Variants in GRM7 observed in about 807,000 individuals in gnomAD.
The protein encoded by GRM7 is metabotropic glutamate receptor 7.
A neutral mutation model predicts 84.5 loss-of-function variants in GRM7; 35 were observed. That is an observed-to-expected ratio of 0.41 (90% confidence interval 0.32 to 0.55). The LOEUF (loss-of-function observed/expected upper bound fraction) is 0.55. Among genes scored for constraint, GRM7 ranks in the 20% least tolerant of loss-of-function variants. The pLI is 0.19. For synonymous variants in GRM7, 487 were observed against 455.1 expected, an observed-to-expected ratio of 1.07 and a Z score of -0.89; for missense variants, 1,003 against 1,194.6, an observed-to-expected ratio of 0.84 and a Z score of 2.36.
At chr3:6,868,743 G>A (rs1695019513) in intron 1 of GRM7, among the ~76,000 whole-genome samples, 1 of 152,172 alleles carries the variant, frequency 6.6e-6, no homozygotes. Flanking sequence ...AGTTGATAGA[G>A]CACAGGAAGT....
At chr3:7,678,727 G>A (rs1457865764) in intron 8 of GRM7, among the ~76,000 whole-genome samples, 1 of 152,186 alleles carries the variant, frequency 6.6e-6, no homozygotes, top group Non-Finnish European at 1.5e-5. Flanking sequence ...ATGTTGGCTA[G>A]AAAACTGTAT....
chr3:7,215,627 T>C (rs945017993), intron 2 of GRM7, among the ~76,000 whole-genome samples: 12 of 152,032 alleles, frequency 7.9e-5, no homozygotes, highest in African/African-American at 1.2e-4. Flanking sequence ...ATCGCGCCAC[T>C]GCACTCCAGC....
intron 2 of GRM7, among the ~76,000 whole-genome samples, chr3:7,241,989 C>G (rs1291710705): frequency 6.6e-6 from 1 of 152,088 alleles, no homozygotes. Context: ...TACCTTAGTA[C>G]TTCTTTTATA....
At chr3:7,736,604 G>A (rs191428460) in intron 9 of GRM7, among the ~76,000 whole-genome samples, 4 of 152,116 alleles carry the variant, frequency 2.6e-5, no homozygotes, top group Admixed American at 1.3e-4. Context: ...GGACAACACT[G>A]TAGTAGCAAG....
At chr3:7,125,091 C>T (rs548336039) in intron 1 of GRM7, among the ~76,000 whole-genome samples, 3 of 152,272 alleles carry the variant, frequency 2.0e-5, no homozygotes, top group South Asian at 4.1e-4. Flanking sequence ...AGGCACCCAC[C>T]ACCATGCCCA....
chr3:7,446,498 T>C (rs1697519522), intron 5 of GRM7, among the ~76,000 whole-genome samples: 1 of 149,760 alleles, frequency 6.7e-6, no homozygotes, highest in Admixed American at 6.7e-5. Flanking sequence ...TCTCATTCTG[T>C]AGCCCAGGCT....
intron 4 of GRM7, among the ~76,000 whole-genome samples, chr3:7,386,501 C>T (rs1694791744): frequency 6.6e-6 from 1 of 152,112 alleles, no homozygotes; most frequent in Non-Finnish European, 1.5e-5. Context: ...GTTTAGCTCC[C>T]ACTTATAAGT....
rs7650378 is a variant in GRM7, at chr3:7,533,834, G to T, written c.1516-44588G>T. Among the ~76,000 whole-genome samples the T allele has an allele frequency of 2.0e-5, 3 of 152,198 alleles. No individual in the cohort carries two copies. In the South Asian group the frequency reaches 6.2e-4, roughly 32 times the overall value. On this transcript the variant is annotated intron_variant, in intron 7 of 9. Transcript: ENST00000357716. Reference sequence around the variant, plus strand: ...TCCCTAATTCAAAAGGGTAATAGGAGCTGTGCCATCTCAGCCTCATAGCCA... The same window carrying T: ...TCCCTAATTCAAAAGGGTAATAGGATCTGTGCCATCTCAGCCTCATAGCCA...
chr3:6,919,342 G>A (rs1318742439), intron 1 of GRM7, among the ~76,000 whole-genome samples: 2 of 149,634 alleles, frequency 1.3e-5, no homozygotes, highest in Non-Finnish European at 3.0e-5. Context: ...GCGATTATAA[G>A]TGCCCACCAC....
chr3:6,951,147 G>A (rs537715966), intron 1 of GRM7, among the ~76,000 whole-genome samples: 2 of 152,302 alleles, frequency 1.3e-5, no homozygotes, highest in South Asian at 2.1e-4. Flanking sequence ...ACTGGAAGCT[G>A]TAGACTGGAG....
chr3:7,537,957 T>C (rs185598904), intron 7 of GRM7, among the ~76,000 whole-genome samples: 2 of 152,148 alleles, frequency 1.3e-5, no homozygotes, highest in Admixed American at 6.5e-5. Flanking sequence ...CCCACCAGAA[T>C]AGTCTGGGCA....
At chr3:7,491,986 T>C (rs1035867080) in intron 7 of GRM7, among the ~76,000 whole-genome samples, 3 of 152,082 alleles carry the variant, frequency 2.0e-5, no homozygotes, top group African/African-American at 7.2e-5. Flanking sequence ...TTTTCTTCTG[T>C]GGCTTATTGA....
At position 7,547,213 on chromosome 3, in the gene GRM7, T is replaced by G. The variant is rs551349309; in HGVS notation, c.1516-31209T>G. On this transcript the variant is annotated intron_variant, in intron 7 of 9. Transcript: ENST00000357716. ...TGAATTCTTTTTTTTTTTTTTTTTT[T>G]TTTTTTTTTTTGAGACGGAGTCTCA... Among the ~76,000 whole-genome samples, 39 of 141,138 alleles carry G rather than the reference T, an allele frequency of 2.8e-4. 1 individual carries two copies. The South Asian group carries it at 5.9e-3, about 21-fold the overall frequency. The allele number at this position is 141,138 out of a possible 152,430, so 92.6% of individuals were successfully genotyped here. A position where few individuals can be genotyped will look rare whatever the true frequency, so the allele number is the denominator to read the frequency against.
At chr3:7,097,197 G>A (rs989517007) in intron 1 of GRM7, among the ~76,000 whole-genome samples, 2 of 152,044 alleles carry the variant, frequency 1.3e-5, no homozygotes, top group African/African-American at 4.8e-5. Flanking sequence ...ACCCAGATGG[G>A]GAGCCCTGTC....
At chr3:7,489,069 C>A (rs992527591) in intron 7 of GRM7, among the ~76,000 whole-genome samples, 1 of 152,064 alleles carries the variant, frequency 6.6e-6, no homozygotes, top group African/African-American at 2.4e-5. Flanking sequence ...TGGTTAAATT[C>A]ATTTAATAAC....
chr3:7,064,479 T>TATAC lies in GRM7; in HGVS notation c.520-81972_520-81971insTACA. Among the ~76,000 whole-genome samples the TATAC allele has an allele frequency of 4.7e-3, 464 of 99,382 alleles. 45 individuals are homozygous for TATAC. The East Asian group carries it at 0.051, about 11-fold the overall frequency. The allele number at this position is 99,382 out of a possible 152,430, so 65.2% of individuals were successfully genotyped here. On this transcript the variant is annotated intron_variant, in intron 1 of 9. Transcript: ENST00000357716. ...ATATATATACATATATATATATATA[T>TATAC]ACACACATATACATATATATATACA... is the stretch of plus-strand genomic sequence containing the variant.
intron 1 of GRM7, among the ~76,000 whole-genome samples, chr3:7,100,851 A>G (rs1466841132): frequency 6.6e-6 from 1 of 151,788 alleles, no homozygotes; most frequent in Non-Finnish European, 1.5e-5. Context: ...TGGTTTGCCT[A>G]GTCTTGCAAT....
chr3:7,083,346 G>A (rs1242997229), intron 1 of GRM7, among the ~76,000 whole-genome samples: 3 of 152,016 alleles, frequency 2.0e-5, no homozygotes, highest in Non-Finnish European at 2.9e-5. Context: ...TTAAGTTAAG[G>A]GATGCATATT....
intron 7 of GRM7, among the ~76,000 whole-genome samples, chr3:7,550,609 G>C (rs988493486): frequency 7.3e-6 from 1 of 136,746 alleles, no homozygotes; most frequent in Non-Finnish European, 1.6e-5. Context: ...GTGTGTGTGT[G>C]TGTGTGTGTA....
Sources: allele counts gnomAD v4.1 joint callset (sites outside exome capture counted in the v4.1 genomes callset), GRCh38; gene constraint gnomAD v4.1.1; transcripts MANE v1.5; gene names NCBI Gene and HGNC (gene_info 2026-07-23, HGNC 2026-07-21).